UST: variants seen among roughly 807,000 people sequenced by gnomAD.
UST encodes uronyl 2-sulfotransferase, also known as chondroitin sulfate 2-O-sulfotransferase.
Under a neutral mutation model 45.6 loss-of-function variants are expected in UST, and 21 were observed. The ratio of observed to expected loss-of-function variants is 0.46; its 90% CI spans 0.33 to 0.66. The LOEUF (loss-of-function observed/expected upper bound fraction) is 0.66, where lower values mean the gene tolerates loss of function less well. Among genes scored for constraint, UST ranks in the 30% least tolerant of loss-of-function variants. The pLI is 0.02. For synonymous variants in UST, 215 were observed against 200.6 expected (o/e 1.07, Z -0.61); for missense variants, 463 against 512.4 (o/e 0.90, Z 0.93).
rs548638639 is a variant in UST, at chr6:149,007,902, A to G, written c.682-11237A>G. 3.9e-5 allele frequency among the ~76,000 whole-genome samples: 6 copies of G among 152,218 alleles called. No homozygotes were observed. The East Asian group carries it at 9.7e-4, about 24-fold the overall frequency. ...TAAGGTGCAGTGAGAGCCCAGATCT[A>G]TTTGTTTAGTCTGTTTCTTCCCATG... On this transcript the variant is annotated intron_variant, in intron 5 of 7. Transcript: ENST00000367463.
chr6:148,800,609 C>T lies in UST; in HGVS notation c.247+52932C>T, dbSNP rs930443969. 2.6e-4 allele frequency among the ~76,000 whole-genome samples: 40 copies of T among 151,874 alleles called. 1 individual carries two copies. Among genetic ancestry groups the T allele is most frequent in the Middle Eastern group, 3.4e-3 (1 of 294 alleles). On this transcript the variant is annotated intron_variant, in intron 1 of 7. Coordinates refer to ENST00000367463, the MANE Select transcript of UST (RefSeq NM_005715.3). ...TATAATGGGCCACTTTAGATTTTTG[C>T]AAGGTATATTTGTATCATCTCTGAT...
chr6:148,761,414 T>C (rs1776217893), intron 1 of UST, among the ~76,000 whole-genome samples: 1 of 152,002 alleles, frequency 6.6e-6, no homozygotes, highest in South Asian at 2.1e-4. Flanking sequence ...TCTCAGTCTT[T>C]GAGAAAACAG....
At chr6:148,796,623 C>CAAAAAAAAA (rs11465084) in intron 1 of UST, among the ~76,000 whole-genome samples, 1 of 88,952 alleles carries the variant, frequency 1.1e-5, no homozygotes, top group Non-Finnish European at 2.1e-5. Flanking sequence ...GACTCTGTCT[C>CAAAAAAAAA]AAAAAAAAAA....
chr6:148,867,307 CACACACACACACACACACACAT>C (rs1415598114), intron 1 of UST, among the ~76,000 whole-genome samples: 3 of 143,238 alleles, frequency 2.1e-5, no homozygotes, highest in African/African-American at 5.3e-5. Context: ...CACACACACA[CACACACACACACACACACACAT>C]ATATATGTAC....
chr6:148,766,711 C>T (rs1209598508), intron 1 of UST, among the ~76,000 whole-genome samples: 1 of 152,132 alleles, frequency 6.6e-6, no homozygotes, highest in Non-Finnish European at 1.5e-5. Context: ...TCAAGACTGG[C>T]TGCATGATAG....
intron 2 of UST, among the ~76,000 whole-genome samples, chr6:148,919,429 TG>T (rs1358220761): frequency 6.6e-6 from 1 of 151,928 alleles, no homozygotes; most frequent in Non-Finnish European, 1.5e-5. Context: ...TGTGTGTGTG[TG>T]TGTGTGTGTG....
At chr6:148,817,683 G>A (rs1302135624) in intron 1 of UST, among the ~76,000 whole-genome samples, 1 of 152,168 alleles carries the variant, frequency 6.6e-6, no homozygotes, top group African/African-American at 2.4e-5. Context: ...GAAGACCAGA[G>A]TTCTTATTTG....
intron 1 of UST, among the ~76,000 whole-genome samples, chr6:148,883,167 G>T (rs1284007822): frequency 2.6e-5 from 4 of 152,216 alleles, no homozygotes; most frequent in Non-Finnish European, 5.9e-5. Flanking sequence ...AGATAGAATT[G>T]ACCATTTTGC....
intron 2 of UST, among the ~76,000 whole-genome samples, chr6:148,891,620 A>G (rs35836096): frequency 0.21 from 31,976 of 152,060 alleles, 4,072 homozygotes; most frequent in African/African-American, 0.35. Context: ...AGGGCTGTGT[A>G]TAGCTCCAGT....
intron 1 of UST, among the ~76,000 whole-genome samples, chr6:148,846,520 C>G (rs1210668840): frequency 1.3e-5 from 2 of 151,856 alleles, no homozygotes; most frequent in Non-Finnish European, 2.9e-5. Flanking sequence ...ATGGGTGCAG[C>G]ACACCAGCAT....
chr6:148,866,765 G>C (rs774506185), intron 1 of UST, among the ~76,000 whole-genome samples: 3 of 152,010 alleles, frequency 2.0e-5, no homozygotes, highest in Non-Finnish European at 4.4e-5. Context: ...CTCCTTACAA[G>C]TTGTTTTTGC....
chr6:148,800,725 C>T (rs1252163409), intron 1 of UST, among the ~76,000 whole-genome samples: 1 of 151,512 alleles, frequency 6.6e-6, no homozygotes, highest in East Asian at 1.9e-4. Flanking sequence ...CCTCCTCACC[C>T]ACCCTCTTTT....
intron 1 of UST, among the ~76,000 whole-genome samples, chr6:148,838,796 GGAA>G (rs1170971022): frequency 1.3e-5 from 2 of 151,968 alleles, no homozygotes; most frequent in South Asian, 2.1e-4. Context: ...GAATCACAGA[GGAA>G]GAAGAGTAGA....
chr6:148,960,784 A>C (rs900163841), intron 4 of UST, among the ~76,000 whole-genome samples: 2 of 152,236 alleles, frequency 1.3e-5, no homozygotes, highest in Non-Finnish European at 2.9e-5. Flanking sequence ...AGTAATCTCT[A>C]CTATAATTGG....
intron 5 of UST, among the ~76,000 whole-genome samples, chr6:148,987,656 T>A (rs1781262858): frequency 6.6e-6 from 1 of 152,168 alleles, no homozygotes; most frequent in Non-Finnish European, 1.5e-5. Flanking sequence ...CACTTGTACA[T>A]CACTTCCAAA....
At chr6:148,954,119 T>G (rs753986112) in intron 4 of UST, among the ~76,000 whole-genome samples, 168 bp downstream of exon 4, 2 of 152,230 alleles carry the variant, frequency 1.3e-5, no homozygotes, top group Non-Finnish European at 2.9e-5. Context: ...AACAGAAACT[T>G]CATTTCTTCC....
At chr6:148,837,530 T>C (rs1562272850) in intron 1 of UST, among the ~76,000 whole-genome samples, 1 of 152,240 alleles carries the variant, frequency 6.6e-6, no homozygotes, top group Non-Finnish European at 1.5e-5. Context: ...GGAAAGACTC[T>C]TTCTAACAAT....
intron 1 of UST, among the ~76,000 whole-genome samples, chr6:148,870,914 C>T (rs963540566): frequency 6.6e-6 from 1 of 152,162 alleles, no homozygotes; most frequent in Non-Finnish European, 1.5e-5. Flanking sequence ...ATGTCTGTCA[C>T]CTCTTTTTCT....
At chr6:149,008,353 C>A (rs2500536) in intron 5 of UST, among the ~76,000 whole-genome samples, 100,258 of 151,998 alleles carry the variant, frequency 0.66, 33,410 homozygotes, top group South Asian at 0.75. Context: ...ATTTTATTTC[C>A]GTTTCTCCAT....
Sources: gnomAD v4.1 joint callset for allele counts (sites outside exome capture counted in the v4.1 genomes callset) on GRCh38, gnomAD v4.1.1 for gene constraint, MANE v1.5 for transcripts, NCBI Gene and HGNC (gene_info 2026-07-23, HGNC 2026-07-21) for gene names.